The following NLRP9 variants were observed in gnomAD, a reference collection of about 807,000 sequenced individuals.
NLRP9 encodes NLR family pyrin domain containing 9, also known as NACHT, LRR and PYD domains-containing protein 9.
NLRP9 carries 88 observed loss-of-function variants against 83.1 expected under a neutral mutation model. The observed-to-expected ratio is 1.06, with a 90% CI of 0.89 to 1.26. The LOEUF (loss-of-function observed/expected upper bound fraction) is 1.26, where lower values mean the gene tolerates loss of function less well. Ranked by LOEUF, NLRP9 falls within the 50% of genes most tolerant of loss-of-function variation. The pLI, the probability that NLRP9 is intolerant of heterozygous loss-of-function variation, is 0.00. For synonymous variants in NLRP9, 521 were observed against 447.6 expected (o/e 1.16, Z -2.07); for missense variants, 1,308 against 1,179.3 (o/e 1.11, Z -1.60).
In NLRP9 at chr19:55,716,972, C is replaced by T. The variant is rs570665174; in HGVS notation, c.2160-74G>A. ...CATGAAACATTATCCACAGACCAAA[C>T]GACACCTCTGATTCTAGTCTTGCAC... On this transcript the variant is annotated intron_variant, in intron 4 of 8. Transcript: ENST00000332836. The T allele has an allele frequency of 3.0e-5, 36 of 1,188,706 alleles. No homozygotes were observed. In the East Asian group the frequency reaches 3.5e-4, roughly 12 times the overall value. The allele number at this position is 1,188,706 out of a possible 1,614,324, so 73.6% of individuals were successfully genotyped here.
chr19:55,710,360 A>C (rs2122272728), intron 8 of NLRP9, among the ~76,000 whole-genome samples: 1 of 152,204 alleles, frequency 6.6e-6, no homozygotes, highest in Non-Finnish European at 1.5e-5. Flanking sequence ...GCAGGGTACA[A>C]GGCCTGGCCC....
At chr19:55,734,215 G>A (rs935300880) in intron 1 of NLRP9, among the ~76,000 whole-genome samples, 3 of 151,280 alleles carry the variant, frequency 2.0e-5, no homozygotes, top group Non-Finnish European at 4.4e-5. Context: ...GAGCCACCGC[G>A]CCCGGCTGTC....
chr19:55,730,352 G>A (rs2122326519), intron 2 of NLRP9, among the ~76,000 whole-genome samples: 1 of 152,118 alleles, frequency 6.6e-6, no homozygotes, highest in Middle Eastern at 3.4e-3. Context: ...CTATTTGGGA[G>A]CTGAGGTGAG....
chr19:55,737,734 T>TTA (rs1491249939), intron 1 of NLRP9: 3 of 79,652 alleles, frequency 3.8e-5, no homozygotes, highest in Non-Finnish European at 7.2e-5. Context: ...ACCCTTTCTC[T>TTA]AAAAAAAAAA....
chr19:55,724,200 A>T (rs1375923201), intron 3 of NLRP9, 56 bp from the exon 4 acceptor site: 1 of 1,245,794 alleles, frequency 8.0e-7, no homozygotes, highest in Non-Finnish European at 1.1e-6. Context: ...GCACAAAGAC[A>T]GACACCTCTT....
intron 5 of NLRP9, 149 bp from the exon 6 acceptor site, chr19:55,715,374 G>A (rs1987969481): frequency 3.0e-6 from 2 of 672,842 alleles, no homozygotes; most frequent in African/African-American, 1.8e-5. Context: ...GATGTTCCTT[G>A]AACTCTGCTG....
intron 8 of NLRP9, 177 bp downstream of exon 8, chr19:55,711,623 G>C (rs1244788674): frequency 1.6e-5 from 14 of 877,154 alleles, no homozygotes; most frequent in South Asian, 1.2e-4. Flanking sequence ...AATGTTGCTT[G>C]ACATCTTACA....
intron 1 of NLRP9, among the ~76,000 whole-genome samples, chr19:55,734,984 G>C (rs1422785662): frequency 6.6e-6 from 1 of 152,100 alleles, no homozygotes; most frequent in Non-Finnish European, 1.5e-5. Context: ...ATGAGAAATG[G>C]GGAAGGGAGA....
At chr19:55,736,991 G>A (rs566371134) in intron 1 of NLRP9, among the ~76,000 whole-genome samples, 54 of 152,050 alleles carry the variant, frequency 3.6e-4, no homozygotes, top group Middle Eastern at 3.4e-3. Flanking sequence ...AGAAGTAAAC[G>A]TAACAGAAGT....
At chr19:55,731,962 G>T in intron 2 of NLRP9, 37 bp downstream of exon 2, 1 of 1,337,578 alleles carries the variant, frequency 7.5e-7, no homozygotes, top group Non-Finnish European at 1.0e-6. Context: ...AACTCCAAGT[G>T]TAGTGTGTGG....
At chr19:55,734,620 C>CACATAT (rs1399155948) in intron 1 of NLRP9, among the ~76,000 whole-genome samples, 3 of 87,614 alleles carry the variant, frequency 3.4e-5, no homozygotes, top group East Asian at 6.3e-4. Flanking sequence ...CACACACACA[C>CACATAT]ATATATATAT....
chr19:55,718,402 GGGAAT>G (rs963432170), intron 4 of NLRP9, among the ~76,000 whole-genome samples: 22 of 152,014 alleles, frequency 1.4e-4, no homozygotes, highest in Admixed American at 1.0e-3. Flanking sequence ...GCTGGTCCCT[GGGAAT>G]GGAATGTCTA....
At chr19:55,733,616 C>A in intron 1 of NLRP9, 66 bp from the exon 2 acceptor site, 1 of 979,192 alleles carries the variant, frequency 1.0e-6, no homozygotes, top group Non-Finnish European at 1.5e-6. Flanking sequence ...CTTCTGAGAA[C>A]TGTAAACCAA....
chr19:55,733,044 T>C lies in NLRP9; in HGVS notation c.787A>G (p.Lys263Glu). 6.2e-7 allele frequency: 1 copy of C among 1,613,632 alleles called. No homozygotes were observed. Among genetic ancestry groups the C allele is most frequent in the Non-Finnish European group, 8.5e-7 (1 of 1,179,904 alleles). The change falls in exon 2 of 9, where the codon AAA becomes GAA. Residue 263 changes from lysine (K) to glutamate (E), a missense_variant. By Grantham distance (56) the Lys-to-Glu change is moderately conservative. Transcript: ENST00000332836. ...MPIILSSLLQ[K>E]KMLPESSLLI... is the part of the protein sequence containing the mutation. ...AGAGAGGATTCTGGAAGCATCTTTT[T>C]TTGCAACAAACTGCTCAGGATAATT...
rs1988835951 is a variant in NLRP9, at chr19:55,738,191, G to C, written c.184C>G (p.His62Asp). The change falls in exon 1 of 9, where the codon CAT becomes GAT. Residue 62 changes from histidine to aspartate, a missense_variant. Physicochemically the swap from His to Asp is moderately conservative, Grantham distance 81. Transcript: ENST00000332836. ...KEDVAKLLDK[H>D]YPGKQAWEVT... ...TCCCATGCCTGCTTTCCTGGGTAAT[G>C]TTTGTCCAGCAGCTTTGCTACATCT... is the stretch of plus-strand genomic sequence containing the variant. The C allele has an allele frequency of 6.2e-7, 1 of 1,613,974 alleles. No individual in the cohort carries two copies. The highest frequency in any genetic ancestry group is 8.5e-7 in the Non-Finnish European group (1 of 1,179,988).
intron 3 of NLRP9, among the ~76,000 whole-genome samples, chr19:55,727,733 T>C (rs575717922): frequency 5.9e-5 from 9 of 152,200 alleles, no homozygotes; most frequent in South Asian, 2.1e-4. Flanking sequence ...AGTGAGCCCC[T>C]ACAAGGCTTT....
At chr19:55,711,355 T>C in intron 8 of NLRP9, 17 of 1,150,560 alleles carry the variant, frequency 1.5e-5, no homozygotes, top group Non-Finnish European at 1.8e-5. Context: ...AAGGCAAACC[T>C]AATTTTCAGA....
intron 2 of NLRP9, among the ~76,000 whole-genome samples, chr19:55,730,944 G>T (rs1224535726): frequency 1.3e-5 from 2 of 152,108 alleles, no homozygotes; most frequent in Non-Finnish European, 2.9e-5. Flanking sequence ...AAAGAAAGTG[G>T]ATCCTGAGAC....
chr19:55,737,424 G>A (rs1988813209), intron 1 of NLRP9: 1 of 152,346 alleles, frequency 6.6e-6, no homozygotes. Context: ...GTCTCCCCTG[G>A]GTCAAAGACG....
Sources: allele counts gnomAD v4.1 joint callset (sites outside exome capture counted in the v4.1 genomes callset), GRCh38; gene constraint gnomAD v4.1.1; transcripts MANE v1.5; gene names NCBI Gene and HGNC (gene_info 2026-07-23, HGNC 2026-07-21).